RBMS3: variants seen among roughly 807,000 people sequenced by gnomAD.
The protein encoded by RBMS3 is RNA-binding motif, single-stranded-interacting protein 3.
RBMS3 carries 27 observed loss-of-function variants against 66.8 expected under a neutral mutation model. That is an observed-to-expected ratio of 0.40 (90% CI 0.30 to 0.56). The LOEUF (loss-of-function observed/expected upper bound fraction) is 0.56. Ranked by LOEUF, RBMS3 falls within the 20% of genes least tolerant of loss-of-function variation. The pLI, the probability that RBMS3 is intolerant of heterozygous loss-of-function variation, is 0.40. For missense variants in RBMS3, 513 were observed against 549.5 expected (o/e 0.93, Z 0.66); for synonymous variants, 188 against 183.0 (o/e 1.03, Z -0.22).
rs2125591654 is a variant in RBMS3 at position 29,366,189 on chromosome 3, T to A, written c.76-68554T>A. ...TTTTTTTCATATAAAGTGCCTAAAATAATTTGTGAAATTTGAATTGCAAAT... is the reference window on the plus strand; with the variant it reads ...TTTTTTTCATATAAAGTGCCTAAAAAAATTTGTGAAATTTGAATTGCAAAT... On this transcript the variant is annotated intron_variant, in intron 1 of 14. Transcript: ENST00000383767. Among the ~76,000 whole-genome samples, 2 of 152,266 alleles carry A rather than the reference T, an allele frequency of 1.3e-5. 1 individual carries two copies. The highest frequency in any genetic ancestry group is 6.8e-3 in the Middle Eastern group (2 of 294).
At chr3:29,380,611 G>A (rs2125622713) in intron 1 of RBMS3, among the ~76,000 whole-genome samples, 1 of 152,288 alleles carries the variant, frequency 6.6e-6, no homozygotes, top group East Asian at 1.9e-4. Flanking sequence ...AGAGGGATTA[G>A]GTAAATTGCC....
At chr3:29,325,200 C>T (rs373168785) in intron 1 of RBMS3, among the ~76,000 whole-genome samples, 1 of 151,958 alleles carries the variant, frequency 6.6e-6, no homozygotes, top group Non-Finnish European at 1.5e-5. Flanking sequence ...AGACATAGTG[C>T]AGAACATTTG....
intron 12 of RBMS3, among the ~76,000 whole-genome samples, chr3:29,978,863 G>A (rs1013703856): frequency 7.9e-5 from 12 of 152,086 alleles, no homozygotes; most frequent in African/African-American, 2.7e-4. Flanking sequence ...GGCTGGGCGT[G>A]GGGGCTCACA....
rs1402159355 is a variant in RBMS3 at position 29,969,673 on chromosome 3, T to G, written c.1099-18470T>G. On this transcript the variant is annotated intron_variant, in intron 12 of 14. Transcript: ENST00000383767. ...AGTTTCATTGGCTCTGTTAGGGCTA[T>G]TTTCATTTATTTCTGAACAAATGAT... is the stretch of plus-strand genomic sequence containing the variant. 2.6e-5 allele frequency among the ~76,000 whole-genome samples: 4 copies of G among 152,318 alleles called. No individual in the cohort carries two copies. The East Asian group carries it at 7.7e-4, about 29-fold the overall frequency.
chr3:29,985,135 G>A (rs977224050), intron 12 of RBMS3, among the ~76,000 whole-genome samples: 1 of 152,176 alleles, frequency 6.6e-6, no homozygotes, highest in Non-Finnish European at 1.5e-5. Context: ...GACTATAGTG[G>A]CTTTGCCACC....
intron 4 of RBMS3, among the ~76,000 whole-genome samples, chr3:29,728,133 A>T (rs2053962974): frequency 6.6e-6 from 1 of 151,884 alleles, no homozygotes; most frequent in Non-Finnish European, 1.5e-5. Context: ...GCATGTTCTC[A>T]CTTATAAATG....
At position 29,388,487 on chromosome 3, in the gene RBMS3, G is replaced by A. The variant is rs185880369; in HGVS notation, c.76-46256G>A. 7.9e-5 allele frequency among the ~76,000 whole-genome samples: 12 copies of A among 152,260 alleles called. No homozygotes were observed. The South Asian group carries it at 1.2e-3, about 16-fold the overall frequency. On this transcript the variant is annotated intron_variant, in intron 1 of 14. Coordinates refer to ENST00000383767, the MANE Select transcript of RBMS3 (RefSeq NM_001003793.3). ...CAAGTTTGGTTTCCAGGAAGGCCAC[G>A]TTAAAGAAACACTGTAATTAGAGAG... is the stretch of plus-strand genomic sequence containing the variant.
chr3:29,379,894 G>T (rs1183833587), intron 1 of RBMS3, among the ~76,000 whole-genome samples: 2 of 152,066 alleles, frequency 1.3e-5, no homozygotes, highest in African/African-American at 4.8e-5. Context: ...ATAAGCAAGG[G>T]GTGGGAATAG....
Position 29,553,802 on chromosome 3 carries a change from G to A in RBMS3, c.308-33312G>A, listed in dbSNP as rs60181365. 5.7e-3 allele frequency among the ~76,000 whole-genome samples: 683 copies of A among 119,464 alleles called. 7 individuals are homozygous for A. The highest frequency in any genetic ancestry group is 0.023 in the African/African-American group (650 of 27,836). 78.4% of individuals were successfully genotyped at this position (119,464 alleles called of 152,430 possible). On this transcript the variant is annotated intron_variant, in intron 3 of 14. Transcript: ENST00000383767. Reference sequence around the variant, plus strand: ...TTTATTACAATACCAAAATTAACTGGCTAATTAAAAAAAAAAAAAAAGCAT... The same window carrying A: ...TTTATTACAATACCAAAATTAACTGACTAATTAAAAAAAAAAAAAAAGCAT...
chr3:29,697,926 T>A (rs1391763223), intron 4 of RBMS3, among the ~76,000 whole-genome samples: 1 of 152,214 alleles, frequency 6.6e-6, no homozygotes, highest in Non-Finnish European at 1.5e-5. Context: ...AAACTTTAAG[T>A]ACTCTCCTGC....
intron 4 of RBMS3, among the ~76,000 whole-genome samples, chr3:29,695,811 C>T (rs1341340992): frequency 6.6e-6 from 1 of 152,202 alleles, no homozygotes; most frequent in Non-Finnish European, 1.5e-5. Context: ...TTGAGTTTCA[C>T]AAACAATCCC....
At chr3:29,347,777 G>C (rs965445746) in intron 1 of RBMS3, among the ~76,000 whole-genome samples, 10 of 152,170 alleles carry the variant, frequency 6.6e-5, no homozygotes, top group Admixed American at 6.5e-4. Flanking sequence ...AAAACTCGCC[G>C]TGGCAGCACC....
At chr3:29,540,639 T>A (rs2045722350) in intron 3 of RBMS3, among the ~76,000 whole-genome samples, 2 of 152,204 alleles carry the variant, frequency 1.3e-5, no homozygotes, top group Admixed American at 6.5e-5. Context: ...ATCCTCCTCG[T>A]ACAGATGAAG....
chr3:29,812,047 G>T (rs1469715903), intron 6 of RBMS3, among the ~76,000 whole-genome samples: 1 of 152,112 alleles, frequency 6.6e-6, no homozygotes, highest in Non-Finnish European at 1.5e-5. Context: ...GATAGAAATA[G>T]ACATAAGATG....
chr3:29,836,101 A>T (rs992107638), intron 6 of RBMS3, among the ~76,000 whole-genome samples: 2 of 152,044 alleles, frequency 1.3e-5, no homozygotes, highest in Admixed American at 1.3e-4. Flanking sequence ...AATAACAATT[A>T]CAGAGATTCA....
chr3:29,536,295 T>G (rs2045555839), intron 3 of RBMS3, among the ~76,000 whole-genome samples: 1 of 152,154 alleles, frequency 6.6e-6, no homozygotes, highest in African/African-American at 2.4e-5. Flanking sequence ...TTTTTGTATG[T>G]GCATGTGACT....
intron 1 of RBMS3, among the ~76,000 whole-genome samples, chr3:29,283,251 T>C (rs867956508): frequency 1.2e-4 from 19 of 152,180 alleles, no homozygotes; most frequent in African/African-American, 4.6e-4. Context: ...TTTGGCTACA[T>C]TTTTCCAAGT....
At chr3:29,885,969 T>C (rs2059859580) in intron 8 of RBMS3, among the ~76,000 whole-genome samples, 1 of 151,906 alleles carries the variant, frequency 6.6e-6, no homozygotes, top group Admixed American at 6.6e-5. Context: ...AAATAAAAAT[T>C]AGCTTTTATA....
At chr3:29,827,436 A>G (rs1319371707) in intron 6 of RBMS3, among the ~76,000 whole-genome samples, 1 of 152,042 alleles carries the variant, frequency 6.6e-6, no homozygotes, top group East Asian at 1.9e-4. Context: ...CCTCATATCT[A>G]TATTACTTTG....
Sources: gnomAD v4.1 joint callset for allele counts (sites outside exome capture counted in the v4.1 genomes callset) on GRCh38, gnomAD v4.1.1 for gene constraint, MANE v1.5 for transcripts, NCBI Gene and HGNC (gene_info 2026-07-23, HGNC 2026-07-21) for gene names.